SLCO3A1: variants seen among roughly 807,000 people sequenced by gnomAD.
The protein encoded by SLCO3A1 is solute carrier organic anion transporter family member 3A1.
In SLCO3A1, 27 loss-of-function variants were observed where a neutral mutation model predicts 63.1. The ratio of observed to expected loss-of-function variants is 0.43; its 90% CI spans 0.32 to 0.59. SLCO3A1 has a LOEUF of 0.59. SLCO3A1 is among the 20% of genes least tolerant of loss of function. The pLI is 0.09. For synonymous variants in SLCO3A1, 473 were observed against 409.9 expected, an observed-to-expected ratio of 1.15 and a Z score of -1.86; for missense variants, 773 against 945.8, an observed-to-expected ratio of 0.82 and a Z score of 2.40.
chr15:91,947,800 T>C (rs556387789), intron 2 of SLCO3A1, among the ~76,000 whole-genome samples: 2 of 152,280 alleles, frequency 1.3e-5, no homozygotes, highest in Admixed American at 1.3e-4. Flanking sequence ...TCCTCGTTAG[T>C]ACCCCCTGCT....
At chr15:92,045,124 C>CA (rs1338094525) in intron 2 of SLCO3A1, among the ~76,000 whole-genome samples, 5 of 151,862 alleles carry the variant, frequency 3.3e-5, no homozygotes, top group Non-Finnish European at 5.9e-5. Flanking sequence ...ACTAAAAATA[C>CA]AAAAAATTAG....
At chr15:92,037,302 A>G (rs538520158) in intron 2 of SLCO3A1, among the ~76,000 whole-genome samples, 15 of 152,338 alleles carry the variant, frequency 9.8e-5, no homozygotes, top group African/African-American at 3.4e-4. Flanking sequence ...GGATTCATGC[A>G]TTCTTCATTA....
Position 92,163,741 on chromosome 15 carries a change from T to C in SLCO3A1, c.*606T>C, listed in dbSNP as rs144768802. 488 of 985,418 alleles carry C rather than the reference T, an allele frequency of 5.0e-4. 2 individuals are homozygous for C. The African/African-American group carries it at 8.1e-3, about 16-fold the overall frequency. The allele number at this position is 985,418 out of a possible 1,614,324, so 61.0% of individuals were successfully genotyped here. On this transcript the variant is annotated 3_prime_UTR_variant, in exon 10 of 10. Coordinates refer to ENST00000318445, the MANE Select transcript of SLCO3A1 (RefSeq NM_013272.4). ...GTAGACGACTCACCCAGTCTGCATG[T>C]GGTTCAAGGCCCCAGAGTTCTCTCA...
At chr15:91,910,324 G>A (rs1898444481) in intron 1 of SLCO3A1, among the ~76,000 whole-genome samples, 1 of 152,172 alleles carries the variant, frequency 6.6e-6, no homozygotes, top group Non-Finnish European at 1.5e-5. Flanking sequence ...CTGTTACCCT[G>A]TTGCAGGCTG....
chr15:92,113,501 A>C (rs1423004807), intron 4 of SLCO3A1, among the ~76,000 whole-genome samples: 1 of 152,168 alleles, frequency 6.6e-6, no homozygotes, highest in African/African-American at 2.4e-5. Flanking sequence ...GGTGCAAAGG[A>C]AGCACTACCC....
At chr15:91,962,266 G>A (rs1810309278) in intron 2 of SLCO3A1, among the ~76,000 whole-genome samples, 1 of 152,060 alleles carries the variant, frequency 6.6e-6, no homozygotes, top group South Asian at 2.1e-4. Context: ...GATCACCTGA[G>A]GTCGGGAGTT....
rs573243880 is a variant in SLCO3A1 at position 91,988,838 on chromosome 15, C to T, written c.646+72380C>T. ...TTATGCTTCAGTTTCATACAGTTAACGCAAGGACAGACCATAAATCCTACT... is the reference window on the plus strand; with the variant it reads ...TTATGCTTCAGTTTCATACAGTTAATGCAAGGACAGACCATAAATCCTACT... On this transcript the variant is annotated intron_variant, in intron 2 of 9. Transcript: ENST00000318445. Among the ~76,000 whole-genome samples the T allele has an allele frequency of 9.2e-5, 14 of 152,286 alleles. No homozygotes were observed. In the East Asian group the frequency reaches 1.3e-3, roughly 15 times the overall value.
intron 2 of SLCO3A1, among the ~76,000 whole-genome samples, chr15:92,025,099 A>C (rs79146827): frequency 6.6e-6 from 1 of 151,400 alleles, no homozygotes; most frequent in African/African-American, 2.4e-5. Context: ...ATGGTGTGGC[A>C]TATTGAGAGA....
intron 2 of SLCO3A1, among the ~76,000 whole-genome samples, chr15:91,987,429 A>G (rs183294499): frequency 6.6e-6 from 1 of 152,286 alleles, no homozygotes; most frequent in African/African-American, 2.4e-5. Flanking sequence ...TTTATGTATT[A>G]TTGATGAGAA....
intron 7 of SLCO3A1, among the ~76,000 whole-genome samples, chr15:92,143,572 G>A (rs1596141387): frequency 7.7e-6 from 1 of 130,116 alleles, no homozygotes; most frequent in East Asian, 2.2e-4. Context: ...AGTGGTCTCT[G>A]TCTTCATTAG....
In SLCO3A1 at chr15:92,163,098, A is replaced by T; in HGVS notation, c.2096A>T (p.Asp699Val). 6.5e-7 allele frequency: 1 copy of T among 1,534,860 alleles called. No homozygotes were observed. Among genetic ancestry groups the T allele is most frequent in the Non-Finnish European group, 8.7e-7 (1 of 1,143,044 alleles). Residue 699 changes from aspartate (D) to valine (V), a missense_variant, in exon 10 of 10, where the codon GAC (aspartate) becomes GTC (valine). Physicochemically the swap from Asp to Val is radical, Grantham distance 152 (BLOSUM62 -3). This residue lies in a region of SLCO3A1 where 139 missense variants were observed against 131.4 expected (regional missense o/e 1.06). Coordinates refer to ENST00000318445, the MANE Select transcript of SLCO3A1 (RefSeq NM_013272.4). Reference protein sequence around the residue: ...HRTKFIYNLEDHEWCENMESV... With the variant: ...HRTKFIYNLEVHEWCENMESV... ...ACAAAGTTTATCTATAACCTGGAAG[A>T]CCATGAGTGGTGTGAAAACATGGAG... is the stretch of plus-strand genomic sequence containing the variant.
intron 1 of SLCO3A1, among the ~76,000 whole-genome samples, chr15:91,890,567 G>T (rs1305146078): frequency 6.6e-6 from 1 of 152,196 alleles, no homozygotes; most frequent in Admixed American, 6.5e-5. Context: ...TCGAGATGTT[G>T]TATCTATCAT....
At position 91,963,544 on chromosome 15, in the gene SLCO3A1, C is replaced by G. The variant is rs904530248; in HGVS notation, c.646+47086C>G. ...TGGATCACACCGTGGGATTTTATTGCAGTAGATATTAATTGTATTCTGTCC... is the reference window on the plus strand; with the variant it reads ...TGGATCACACCGTGGGATTTTATTGGAGTAGATATTAATTGTATTCTGTCC... On this transcript the variant is annotated intron_variant, in intron 2 of 9. Coordinates refer to ENST00000318445, the MANE Select transcript of SLCO3A1 (RefSeq NM_013272.4). Among the ~76,000 whole-genome samples the G allele has an allele frequency of 2.6e-5, 4 of 152,134 alleles. No individual in the cohort carries two copies. The South Asian group carries it at 8.3e-4, about 32-fold the overall frequency.
chr15:92,152,461 G>C (rs1224189836), intron 9 of SLCO3A1, among the ~76,000 whole-genome samples: 1 of 152,248 alleles, frequency 6.6e-6, no homozygotes, highest in Non-Finnish European at 1.5e-5. Flanking sequence ...ATGGAAAAGA[G>C]AAGTGCTCTA....
intron 2 of SLCO3A1, among the ~76,000 whole-genome samples, chr15:92,015,575 A>G (rs1323951691): frequency 2.6e-5 from 4 of 152,114 alleles, no homozygotes; most frequent in African/African-American, 9.7e-5. Context: ...GATTTGGGTG[A>G]GGACACAGCC....
At chr15:92,045,702 A>G (rs577103518) in intron 2 of SLCO3A1, among the ~76,000 whole-genome samples, 1 of 152,176 alleles carries the variant, frequency 6.6e-6, no homozygotes, top group Non-Finnish European at 1.5e-5. Flanking sequence ...TGTTTTGGAC[A>G]TTATATGATT....
chr15:91,888,344 T>C (rs1489507984), intron 1 of SLCO3A1, among the ~76,000 whole-genome samples: 1 of 152,190 alleles, frequency 6.6e-6, no homozygotes, highest in East Asian at 1.9e-4. Context: ...TGAGCATGTG[T>C]GTCTTGGGCC....
intron 2 of SLCO3A1, among the ~76,000 whole-genome samples, chr15:92,022,145 C>A (rs2046516946): frequency 6.6e-6 from 1 of 152,192 alleles, no homozygotes; most frequent in Admixed American, 6.5e-5. Context: ...CAAGTGATAC[C>A]AGGAAATTCC....
intron 5 of SLCO3A1, among the ~76,000 whole-genome samples, chr15:92,123,860 A>G (rs1331076367): frequency 2.0e-5 from 3 of 152,208 alleles, no homozygotes; most frequent in Non-Finnish European, 4.4e-5. Context: ...TTCAGGGCAG[A>G]AGGTCAAAAA....
Sources: gnomAD v4.1 joint callset for allele counts (sites outside exome capture counted in the v4.1 genomes callset) on GRCh38, gnomAD v4.1.1 for gene constraint, gnomAD v4.1.1 regional missense constraint, MANE v1.5 for transcripts, NCBI Gene and HGNC (gene_info 2026-07-23, HGNC 2026-07-21) for gene names.